The following TRAPPC9 variants were observed in gnomAD, a reference collection of about 807,000 sequenced individuals.
TRAPPC9 encodes trafficking protein particle complex subunit 9.
TRAPPC9 carries 83 observed loss-of-function variants against 124.0 expected under a neutral mutation model. The observed-to-expected ratio is 0.67, with a 90% CI of 0.56 to 0.80. The LOEUF (loss-of-function observed/expected upper bound fraction) is 0.80, where lower values mean the gene tolerates loss of function less well. Among genes scored for constraint, TRAPPC9 ranks in the 30% least tolerant of loss-of-function variants. The probability of loss-of-function intolerance (pLI) is 0.00; values close to 1 mark genes in which losing one functional copy is unlikely to be tolerated. For synonymous variants in TRAPPC9, 638 were observed against 617.5 expected, an observed-to-expected ratio of 1.03 and a Z score of -0.49; for missense variants, 1,302 against 1,508.3, an observed-to-expected ratio of 0.86 and a Z score of 2.27.
At chr8:140,272,067 GTGA>G (rs1258286782) in intron 15 of TRAPPC9, among the ~76,000 whole-genome samples, 12 of 107,294 alleles carry the variant, frequency 1.1e-4, no homozygotes, top group South Asian at 6.5e-4. Context: ...GGTAGTGATG[GTGA>G]TGATGGTGGT....
At chr8:139,995,786 T>C (rs1837924851) in intron 18 of TRAPPC9, among the ~76,000 whole-genome samples, 1 of 146,620 alleles carries the variant, frequency 6.8e-6, no homozygotes, top group Admixed American at 7.0e-5. Context: ...GGCACCCACA[T>C]GCGGCTGATC....
intron 18 of TRAPPC9, among the ~76,000 whole-genome samples, chr8:139,993,924 G>C (rs1363543334): frequency 6.6e-6 from 1 of 152,050 alleles, no homozygotes; most frequent in Non-Finnish European, 1.5e-5. Context: ...AGCTTTAACA[G>C]CATATTTTTA....
chr8:140,223,717 A>G (rs2063387332), intron 16 of TRAPPC9, among the ~76,000 whole-genome samples: 1 of 151,892 alleles, frequency 6.6e-6, no homozygotes, highest in Admixed American at 6.6e-5. Context: ...CAATTAACCA[A>G]GCATAATAGA....
chr8:140,424,421 G>A (rs562166931), intron 5 of TRAPPC9, among the ~76,000 whole-genome samples: 27 of 151,884 alleles, frequency 1.8e-4, no homozygotes, highest in Middle Eastern at 3.4e-3. Flanking sequence ...TGAGAGGATT[G>A]CTTGAGGCCA....
intron 4 of TRAPPC9, among the ~76,000 whole-genome samples, chr8:140,432,446 T>C (rs1032808299): frequency 2.0e-5 from 3 of 152,236 alleles, no homozygotes; most frequent in Non-Finnish European, 4.4e-5. Context: ...CCCACTCTCT[T>C]CATTCTACAG....
At chr8:139,942,312 A>C (rs1833967159) in intron 19 of TRAPPC9, among the ~76,000 whole-genome samples, 1 of 152,172 alleles carries the variant, frequency 6.6e-6, no homozygotes, top group South Asian at 2.1e-4. Context: ...ATAGTTATTT[A>C]TTGAATCCCT....
At chr8:140,118,781 G>A (rs1157714797) in intron 17 of TRAPPC9, among the ~76,000 whole-genome samples, 1 of 152,130 alleles carries the variant, frequency 6.6e-6, no homozygotes, top group Non-Finnish European at 1.5e-5. Context: ...ACAAAGGAAG[G>A]ACAAGAAGCC....
chr8:140,124,617 A>G (rs1378326710), intron 17 of TRAPPC9, among the ~76,000 whole-genome samples: 1 of 152,160 alleles, frequency 6.6e-6, no homozygotes, highest in African/African-American at 2.4e-5. Context: ...ACAGGGGCCA[A>G]AGCAAATCAC....
Position 140,011,380 on chromosome 8 carries a change from A to T in TRAPPC9, c.2699+12557T>A, listed in dbSNP as rs1839107972. ...ATAAAAATAATAGTAACAATATTAT[A>T]TATATTTAGATGAATTAAAAATTTG... On this transcript the variant is annotated intron_variant, in intron 18 of 22. Transcript: ENST00000438773. Among the ~76,000 whole-genome samples, 4 of 151,654 alleles carry T rather than the reference A, an allele frequency of 2.6e-5. 1 individual carries two copies. The highest frequency in any genetic ancestry group is 2.6e-4 in the Admixed American group (4 of 15,228).
At chr8:139,989,692 G>A (rs1281446385) in intron 18 of TRAPPC9, among the ~76,000 whole-genome samples, 2 of 152,142 alleles carry the variant, frequency 1.3e-5, no homozygotes, top group Non-Finnish European at 2.9e-5. Context: ...GGTCGGAGGC[G>A]CTTGAGAGCC....
rs143947973 is a variant in TRAPPC9 at position 139,871,180 on chromosome 8, G to C, written c.3055+14699C>G. Among the ~76,000 whole-genome samples the C allele has an allele frequency of 3.7e-3, 556 of 152,318 alleles. 3 individuals carry two copies. Among genetic ancestry groups the C allele is most frequent in the Non-Finnish European group, 5.3e-3 (358 of 68,028 alleles). On this transcript the variant is annotated intron_variant, in intron 21 of 22. Coordinates refer to ENST00000438773, the MANE Select transcript of TRAPPC9 (RefSeq NM_001160372.4). ...AAAGGTAGTTATGCTGATTACAAGT[G>C]AGAGTCCGCCAGCTGAGAGGTGCCT...
intron 9 of TRAPPC9, among the ~76,000 whole-genome samples, chr8:140,339,242 C>T (rs1007004368): frequency 2.6e-5 from 4 of 152,370 alleles, no homozygotes; most frequent in Admixed American, 1.3e-4. Flanking sequence ...AAACCAGCAC[C>T]GCCAACATCT....
At chr8:139,879,024 C>T (rs1829511602) in intron 21 of TRAPPC9, among the ~76,000 whole-genome samples, 1 of 152,236 alleles carries the variant, frequency 6.6e-6, no homozygotes, top group Admixed American at 6.5e-5. Context: ...TGCTCCAAGT[C>T]AGAGAAAGAA....
chr8:140,376,553 TAAAAAA>T (rs34319639), intron 7 of TRAPPC9, among the ~76,000 whole-genome samples: 2,059 of 49,634 alleles, frequency 0.041, 14 homozygotes, highest in Non-Finnish European at 0.06. Flanking sequence ...AGACTCCATC[TAAAAAA>T]AAAAAAAAAA....
chr8:140,176,888 T>C (rs1229802009), intron 17 of TRAPPC9, among the ~76,000 whole-genome samples: 1 of 152,234 alleles, frequency 6.6e-6, no homozygotes, highest in Non-Finnish European at 1.5e-5. Flanking sequence ...TTAGTTTGCA[T>C]TTCCTTACTG....
At position 140,103,266 on chromosome 8, in the gene TRAPPC9, G is replaced by T. The variant is rs199576260; in HGVS notation, c.2557-79187C>A. On this transcript the variant is annotated intron_variant, in intron 17 of 22. Coordinates refer to ENST00000438773, the MANE Select transcript of TRAPPC9 (RefSeq NM_001160372.4). ...GAAGCATTTTTAGTGCAGCATTATC[G>T]GGGCAAATATTTACCTCCCTGTGCC... is the stretch of plus-strand genomic sequence containing the variant. 6.6e-5 allele frequency among the ~76,000 whole-genome samples: 10 copies of T among 152,020 alleles called. No homozygotes were observed. In the East Asian group the frequency reaches 1.9e-3, roughly 29 times the overall value.
chr8:139,925,496 C>T lies in TRAPPC9; in HGVS notation c.2811-15196G>A, dbSNP rs150018873. On this transcript the variant is annotated intron_variant, in intron 19 of 22. Coordinates refer to ENST00000438773, the MANE Select transcript of TRAPPC9 (RefSeq NM_001160372.4). Reference sequence around the variant, plus strand: ...GGCACGGTGGCTCACGCCTGTAATCCCAGCACTTTGGGAGGCCGAGGCGGG... The same window carrying T: ...GGCACGGTGGCTCACGCCTGTAATCTCAGCACTTTGGGAGGCCGAGGCGGG... Among the ~76,000 whole-genome samples, 892 of 152,226 alleles carry T rather than the reference C, an allele frequency of 5.9e-3. 11 individuals are homozygous for T. The highest frequency in any genetic ancestry group is 0.021 in the African/African-American group (860 of 41,544).
intron 21 of TRAPPC9, among the ~76,000 whole-genome samples, chr8:139,754,996 A>T (rs1819599125): frequency 6.6e-6 from 1 of 152,240 alleles, no homozygotes; most frequent in South Asian, 2.1e-4. Flanking sequence ...GGCCCTGGGA[A>T]GGACGGGCCA....
chr8:140,014,769 C>T (rs1214210225), intron 18 of TRAPPC9, among the ~76,000 whole-genome samples: 1 of 152,182 alleles, frequency 6.6e-6, no homozygotes, highest in African/African-American at 2.4e-5. Context: ...CCCTTCCACT[C>T]ACGAACGCAC....
Sources: allele counts gnomAD v4.1 joint callset (sites outside exome capture counted in the v4.1 genomes callset), GRCh38; gene constraint gnomAD v4.1.1; transcripts MANE v1.5; gene names NCBI Gene and HGNC (gene_info 2026-07-23, HGNC 2026-07-21).